GPHN: variants seen among roughly 807,000 people sequenced by gnomAD.
GPHN encodes gephyrin.
Under a neutral mutation model 95.5 loss-of-function variants are expected in GPHN, and 17 were observed. The observed-to-expected ratio is 0.18, with a 90% CI of 0.12 to 0.27. GPHN has a LOEUF of 0.27. GPHN is among the 10% of genes least tolerant of loss of function. The pLI is 1.00. For missense variants in GPHN, 660 were observed against 978.1 expected, an observed-to-expected ratio of 0.67 and a Z score of 4.34; for synonymous variants, 320 against 322.5, an observed-to-expected ratio of 0.99 and a Z score of 0.08.
chr14:66,792,686 G>T (rs2060014713), intron 3 of GPHN, among the ~76,000 whole-genome samples: 1 of 152,166 alleles, frequency 6.6e-6, no homozygotes, highest in Non-Finnish European at 1.5e-5. Flanking sequence ...CACTAGTAAA[G>T]TGCAAAGACC....
chr14:67,343,534 T>G, the GPHN span: 15 of 889,248 alleles, frequency 1.7e-5, no homozygotes, highest in African/African-American at 2.5e-4. Flanking sequence ...AGAAAACATT[T>G]GAGAACCAAG....
chr14:67,544,337 A>G, the GPHN span, among the ~76,000 whole-genome samples: 1 of 152,218 alleles, frequency 6.6e-6, no homozygotes, highest in Non-Finnish European at 1.5e-5. Context: ...AGGAAACCCA[A>G]GTTCTGGGCC....
the GPHN span, among the ~76,000 whole-genome samples, chr14:67,511,157 G>C: frequency 5.3e-5 from 8 of 152,192 alleles, no homozygotes; most frequent in East Asian, 1.5e-3. Context: ...AGGAAACAAT[G>C]AATGAATGGG....
chr14:66,857,363 TAAAAG>T (rs983086548), intron 4 of GPHN, among the ~76,000 whole-genome samples: 3 of 151,922 alleles, frequency 2.0e-5, no homozygotes, highest in Non-Finnish European at 2.9e-5. Context: ...GAAGGATAAA[TAAAAG>T]AAATATGTTT....
chr14:67,569,842 C>T, the GPHN span: 1 of 871,666 alleles, frequency 1.1e-6, no homozygotes, highest in South Asian at 1.4e-5. Context: ...GGAATGCCAT[C>T]TGCCCAGTTC....
the GPHN span, chr14:67,359,511 G>T: frequency 1.2e-6 from 1 of 843,424 alleles, no homozygotes; most frequent in Non-Finnish European, 1.8e-6. Flanking sequence ...CCGTCAGGAA[G>T]CCTCGCCCTA....
rs114632905 is a variant in GPHN, at chr14:66,696,956, A to C, written c.143+15771A>C. 3.6e-3 allele frequency among the ~76,000 whole-genome samples: 555 copies of C among 152,354 alleles called. 12 individuals carry two copies. Among genetic ancestry groups the C allele is most frequent in the African/African-American group, 0.013 (529 of 41,586 alleles). ...TTAAGTCACTTTTTAAAAAAGTCTG[A>C]ATAGTTGAAGTTTATTTTTCACCAA... On this transcript the variant is annotated intron_variant, in intron 2 of 22. Transcript: ENST00000478722.
the GPHN span, chr14:67,302,446 A>G: frequency 6.3e-7 from 1 of 1,599,080 alleles, no homozygotes; most frequent in African/African-American, 1.3e-5. Flanking sequence ...CTCTGTCATC[A>G]TTAGCCGGAT....
the GPHN span, among the ~76,000 whole-genome samples, chr14:67,468,731 T>G: frequency 6.6e-6 from 1 of 151,922 alleles, no homozygotes; most frequent in African/African-American, 2.4e-5. Flanking sequence ...CCGTCTCTAC[T>G]AAAAAATACA....
the GPHN span, chr14:67,692,419 T>C: frequency 1.9e-6 from 3 of 1,613,104 alleles, no homozygotes; most frequent in South Asian, 2.2e-5. Context: ...CAACATAGTC[T>C]CTCTAGTTCT....
the GPHN span, among the ~76,000 whole-genome samples, chr14:67,366,466 G>A: frequency 6.6e-6 from 1 of 152,292 alleles, no homozygotes; most frequent in East Asian, 1.9e-4. Flanking sequence ...ACTTGCTTAC[G>A]TACAGTAGAT....
intron 2 of GPHN, among the ~76,000 whole-genome samples, chr14:66,699,972 A>AT (rs911541157): frequency 1.3e-5 from 2 of 152,140 alleles, no homozygotes; most frequent in African/African-American, 4.8e-5. Context: ...GATAACTACT[A>AT]TTTTTTTAAA....
At chr14:67,615,759 A>G in the GPHN span, 4 of 503,948 alleles carry the variant, frequency 7.9e-6, no homozygotes, top group Non-Finnish European at 1.5e-5. Flanking sequence ...AAGGATCCCA[A>G]TGCACCCCAG....
intron 9 of GPHN, among the ~76,000 whole-genome samples, chr14:67,002,612 A>G (rs1342425201): frequency 6.6e-6 from 1 of 150,880 alleles, no homozygotes. Context: ...TTGAAACCCA[A>G]CCCTGTGCCT....
the GPHN span, among the ~76,000 whole-genome samples, chr14:67,625,976 G>A: frequency 3.9e-5 from 6 of 152,014 alleles, no homozygotes; most frequent in Non-Finnish European, 7.4e-5. Context: ...TACAATGGCC[G>A]GGTGTGGCGG....
the GPHN span, among the ~76,000 whole-genome samples, chr14:67,425,177 G>A: frequency 0.013 from 1,920 of 152,188 alleles, 16 homozygotes; most frequent in Middle Eastern, 0.02. Flanking sequence ...CTCAAACTCT[G>A]GGCTCAAGTG....
At chr14:66,552,000 T>G (rs2140183257) in intron 1 of GPHN, among the ~76,000 whole-genome samples, 1 of 152,230 alleles carries the variant, frequency 6.6e-6, no homozygotes, top group Non-Finnish European at 1.5e-5. Context: ...GAAACCAACC[T>G]TTATCTTTGA....
intron 2 of GPHN, among the ~76,000 whole-genome samples, chr14:66,692,865 G>A (rs2067868402): frequency 6.6e-6 from 1 of 152,006 alleles, no homozygotes; most frequent in South Asian, 2.1e-4. Flanking sequence ...TTGAATTATA[G>A]TGTTATATTT....
At chr14:66,695,250 A>T (rs143239016) in intron 2 of GPHN, among the ~76,000 whole-genome samples, 77 of 152,340 alleles carry the variant, frequency 5.1e-4, no homozygotes, top group African/African-American at 1.7e-3. Flanking sequence ...CAAAGAAGAT[A>T]TACAGATGTC....
Sources: allele counts gnomAD v4.1 joint callset (sites outside exome capture counted in the v4.1 genomes callset), GRCh38; gene constraint gnomAD v4.1.1; transcripts MANE v1.5; gene names NCBI Gene and HGNC (gene_info 2026-07-23, HGNC 2026-07-21).